Variants in MAML2 observed in about 807,000 individuals in gnomAD.
MAML2 encodes the protein mastermind-like protein 2.
Under a neutral mutation model 96.1 loss-of-function variants are expected in MAML2, and 22 were observed. That is an observed-to-expected ratio of 0.23 (90% CI 0.16 to 0.33). MAML2 has a LOEUF of 0.33. Among genes scored for constraint, MAML2 ranks in the 10% least tolerant of loss-of-function variants. MAML2 has a pLI of 1.00. For synonymous variants in MAML2, 561 were observed against 521.3 expected (o/e 1.08, Z -1.04); for missense variants, 1,367 against 1,392.4 (o/e 0.98, Z 0.29).
intron 1 of MAML2, among the ~76,000 whole-genome samples, chr11:96,105,777 C>T (rs1369880819): frequency 6.6e-6 from 1 of 151,908 alleles, no homozygotes; most frequent in Non-Finnish European, 1.5e-5. Flanking sequence ...TCACTCCAGT[C>T]TATGTTTATT....
intron 1 of MAML2, among the ~76,000 whole-genome samples, chr11:96,164,874 C>T (rs1289607267): frequency 6.6e-6 from 1 of 152,166 alleles, no homozygotes; most frequent in Admixed American, 6.5e-5. Flanking sequence ...AGAAACCCAC[C>T]CATCCTTTCT....
At chr11:96,219,122 C>T (rs151183917) in intron 1 of MAML2, among the ~76,000 whole-genome samples, 2 of 152,316 alleles carry the variant, frequency 1.3e-5, no homozygotes, top group Non-Finnish European at 2.9e-5. Context: ...ATTAACCAGT[C>T]CCTTCTTTAA....
At chr11:96,262,333 T>A (rs941333154) in intron 1 of MAML2, among the ~76,000 whole-genome samples, 5 of 152,240 alleles carry the variant, frequency 3.3e-5, no homozygotes, top group Admixed American at 2.6e-4. Flanking sequence ...TCAGTTAGCA[T>A]TATTATTTAT....
chr11:96,335,936 G>A (rs1348692049), intron 1 of MAML2, among the ~76,000 whole-genome samples: 1 of 152,066 alleles, frequency 6.6e-6, no homozygotes, highest in Non-Finnish European at 1.5e-5. Context: ...GGCCCTGCTG[G>A]TGACCCATGT....
chr11:96,052,958 G>A (rs116528436), intron 2 of MAML2, among the ~76,000 whole-genome samples: 60 of 152,314 alleles, frequency 3.9e-4, no homozygotes, highest in African/African-American at 1.4e-3. Context: ...TGAAGTCTAG[G>A]GTGAGACTTA....
chr11:96,179,213 C>T (rs1861444501), intron 1 of MAML2, among the ~76,000 whole-genome samples: 1 of 152,188 alleles, frequency 6.6e-6, no homozygotes, highest in Non-Finnish European at 1.5e-5. Context: ...CTCATTATAA[C>T]TAGATATGCC....
intron 1 of MAML2, among the ~76,000 whole-genome samples, chr11:96,101,144 T>C (rs900914790): frequency 3.9e-5 from 6 of 152,208 alleles, no homozygotes; most frequent in African/African-American, 1.4e-4. Context: ...GTCAACATAC[T>C]GCCCTTCTGA....
At chr11:96,082,463 G>T (rs1314973769) in intron 2 of MAML2, among the ~76,000 whole-genome samples, 1 of 152,174 alleles carries the variant, frequency 6.6e-6, no homozygotes, top group Non-Finnish European at 1.5e-5. Context: ...AAGGGCTGGG[G>T]TTCCAAGATA....
intron 1 of MAML2, among the ~76,000 whole-genome samples, chr11:96,136,961 A>G (rs935039278): frequency 1.3e-5 from 2 of 152,220 alleles, no homozygotes; most frequent in African/African-American, 4.8e-5. Flanking sequence ...TGAGTGAAGT[A>G]TCTGCCAAAA....
At chr11:96,000,639 C>A (rs1199044864) in intron 2 of MAML2, among the ~76,000 whole-genome samples, 1 of 152,194 alleles carries the variant, frequency 6.6e-6, no homozygotes. Flanking sequence ...ATCATAAAAT[C>A]TGTTTACATT....
intron 3 of MAML2, among the ~76,000 whole-genome samples, chr11:95,986,572 T>A (rs1462786331): frequency 6.6e-6 from 1 of 152,110 alleles, no homozygotes; most frequent in Non-Finnish European, 1.5e-5. Flanking sequence ...CAGGTACCGA[T>A]ATAGGCACTA....
chr11:96,226,199 G>A (rs1322599257), intron 1 of MAML2, among the ~76,000 whole-genome samples: 1 of 152,176 alleles, frequency 6.6e-6, no homozygotes, highest in Non-Finnish European at 1.5e-5. Flanking sequence ...ATTTAAGAAT[G>A]ATTTTATGTC....
intron 1 of MAML2, among the ~76,000 whole-genome samples, chr11:96,131,437 A>G (rs537112823): frequency 9.2e-5 from 14 of 152,354 alleles, no homozygotes; most frequent in Admixed American, 7.2e-4. Flanking sequence ...GAGCTGACAT[A>G]TATAGAACAT....
At chr11:96,213,869 C>T (rs948158783) in intron 1 of MAML2, among the ~76,000 whole-genome samples, 2 of 152,148 alleles carry the variant, frequency 1.3e-5, no homozygotes, top group Non-Finnish European at 1.5e-5. Context: ...TAAAAGTGGT[C>T]GGTTCCCTGG....
intron 1 of MAML2, among the ~76,000 whole-genome samples, chr11:96,148,803 C>T (rs905782530): frequency 2.6e-5 from 4 of 151,962 alleles, no homozygotes; most frequent in Admixed American, 6.6e-5. Context: ...ATTAGATGAT[C>T]TCATAAAGTG....
intron 1 of MAML2, among the ~76,000 whole-genome samples, chr11:96,133,694 A>G (rs768327219): frequency 2.0e-5 from 3 of 152,234 alleles, no homozygotes; most frequent in Non-Finnish European, 4.4e-5. Flanking sequence ...GTATATTACC[A>G]GATAAGAATG....
Position 96,199,264 on chromosome 11 carries a change from C to G in MAML2, c.514-105747G>C, listed in dbSNP as rs375368490. Reference sequence around the variant, plus strand: ...GTTGCTGTTGCTGCAGGTATTTTCTCCTTCTTCCCAGCTGGACCACTAGCA... The same window carrying G: ...GTTGCTGTTGCTGCAGGTATTTTCTGCTTCTTCCCAGCTGGACCACTAGCA... On this transcript the variant is annotated intron_variant, in intron 1 of 4. Coordinates refer to ENST00000524717, the MANE Select transcript of MAML2 (RefSeq NM_032427.4). Among the ~76,000 whole-genome samples, 4 of 150,292 alleles carry G rather than the reference C, an allele frequency of 2.7e-5. No individual in the cohort carries two copies. In the South Asian group the frequency reaches 6.3e-4, roughly 24 times the overall value.
intron 1 of MAML2, among the ~76,000 whole-genome samples, chr11:96,208,541 G>T (rs1861925459): frequency 6.6e-6 from 1 of 152,174 alleles, no homozygotes; most frequent in Non-Finnish European, 1.5e-5. Flanking sequence ...AAGTAATAAA[G>T]TTCAGGTAAA....
chr11:96,080,150 T>C (rs1374205380), intron 2 of MAML2, among the ~76,000 whole-genome samples: 2 of 152,224 alleles, frequency 1.3e-5, no homozygotes, highest in African/African-American at 4.8e-5. Flanking sequence ...ATTTTTTATC[T>C]GACTATATTG....
Sources: allele counts gnomAD v4.1 joint callset (sites outside exome capture counted in the v4.1 genomes callset), GRCh38; gene constraint gnomAD v4.1.1; transcripts MANE v1.5; gene names NCBI Gene and HGNC (gene_info 2026-07-23, HGNC 2026-07-21).